Variants in DSC2 observed in about 807,000 individuals in gnomAD.
DSC2 encodes desmocollin-2.
In DSC2, 51 loss-of-function variants were observed where a neutral mutation model predicts 87.6. The ratio of observed to expected loss-of-function variants is 0.58; its 90% CI spans 0.46 to 0.74. The LOEUF (loss-of-function observed/expected upper bound fraction) is 0.74. Among genes scored for constraint, DSC2 ranks in the 30% least tolerant of loss-of-function variants. DSC2 has a pLI of 0.00. For synonymous variants in DSC2, 383 were observed against 393.2 expected (o/e 0.97, Z 0.31); for missense variants, 1,066 against 1,089.5 (o/e 0.98, Z 0.30).
chr18:31,077,003 C>T (rs1000714538), intron 11 of DSC2, among the ~76,000 whole-genome samples: 2 of 151,758 alleles, frequency 1.3e-5, no homozygotes, highest in Non-Finnish European at 2.9e-5. Context: ...AAGTATGAGG[C>T]CAATATTAAA....
In DSC2 at chr18:31,059,560, C is replaced by T. The variant is rs1010460748; in HGVS notation, c.*8455G>A. The T allele has an allele frequency of 5.9e-5, 9 of 152,066 alleles. No homozygotes were observed. The highest frequency in any genetic ancestry group is 2.2e-4 in the African/African-American group (9 of 41,426). The allele number at this position is 152,066 out of a possible 1,614,324, so 9.4% of individuals were successfully genotyped here. On this transcript the variant is annotated 3_prime_UTR_variant, in exon 16 of 16. Coordinates refer to ENST00000280904, the MANE Select transcript of DSC2 (RefSeq NM_024422.6). ...CCTGTAAGCTCCCCAAATTCTAAAGCCTGTGAGTTTTTCTTGCTCTGTATT... is the reference window on the plus strand; with the variant it reads ...CCTGTAAGCTCCCCAAATTCTAAAGTCTGTGAGTTTTTCTTGCTCTGTATT...
At position 31,086,716 on chromosome 18, in the gene DSC2, T is replaced by C. The variant is rs201015785; in HGVS notation, c.802A>G (p.Thr268Ala). The C allele has an allele frequency of 1.0e-4, 167 of 1,614,124 alleles. No individual in the cohort carries two copies. The Middle Eastern group carries it at 2.0e-3, about 19-fold the overall frequency. ...VGTTVGQVCATDKDEPDTMHT... is the reference protein window; with the variant it reads ...VGTTVGQVCAADKDEPDTMHT... Reference sequence around the variant, plus strand: ...ATCGTGTCAGGCTCATCTTTGTCAGTAGCACACACTTGTCCCACAGTAGTG... The same window carrying C: ...ATCGTGTCAGGCTCATCTTTGTCAGCAGCACACACTTGTCCCACAGTAGTG... Residue 268 changes from threonine to alanine, a missense_variant, in exon 7 of 16, where the codon ACT becomes GCT. Thr to Ala is a moderately conservative substitution (Grantham distance 58, BLOSUM62 0). Transcript: ENST00000280904.
intron 11 of DSC2, among the ~76,000 whole-genome samples, chr18:31,078,345 G>A (rs927851293): frequency 7.9e-5 from 12 of 152,016 alleles, no homozygotes; most frequent in African/African-American, 1.9e-4. Context: ...AAATGAATGC[G>A]AACAGCCTCA....
Position 31,080,317 on chromosome 18 carries a change from CA to C in DSC2, c.1298del (p.Leu433CysfsTer5). 1 of 1,613,920 alleles carries C rather than the reference CA, an allele frequency of 6.2e-7. No homozygotes were observed. Among genetic ancestry groups the C allele is most frequent in the South Asian group, 1.1e-5 (1 of 91,072 alleles). ...GAGCTTCATTAACTACACCAATTTG[CA>C]AGATCATCTGTTGCTTTTCTTCATA... Reference protein sequence around the residue: ...LNYEEKQQMILQIGVVNEAPF... With the variant: ...LNYEEKQQMIXQIGVVNEAPF... On this transcript the variant is annotated frameshift_variant, in exon 10 of 16. Coordinates refer to ENST00000280904, the MANE Select transcript of DSC2 (RefSeq NM_024422.6). LOFTEE classifies it high-confidence loss of function.
intron 1 of DSC2, among the ~76,000 whole-genome samples, chr18:31,094,679 G>A (rs1386931199): frequency 1.3e-5 from 2 of 152,058 alleles, no homozygotes; most frequent in Non-Finnish European, 2.9e-5. Flanking sequence ...GGATGGAAAT[G>A]TTTATTTTTA....
In DSC2 at chr18:31,079,945, T is replaced by C; in HGVS notation, c.1565A>G (p.Glu522Gly). The C allele has an allele frequency of 6.2e-7, 1 of 1,614,070 alleles. No homozygotes were observed. Among genetic ancestry groups the C allele is most frequent in the Non-Finnish European group, 8.5e-7 (1 of 1,179,968 alleles). The change falls in exon 11 of 16, where the codon GAA becomes GGA. Residue 522 changes from glutamate (E) to glycine (G), a missense_variant. Glu to Gly is a moderately conservative substitution (Grantham distance 98, BLOSUM62 -2). Coordinates refer to ENST00000280904, the MANE Select transcript of DSC2 (RefSeq NM_024422.6). ...GAAAACTTTGATTGATCCTGTATTT[T>C]CATCAATGGTGACCCACCCTGTTGG... Reference protein sequence around the residue: ...TDPTGWVTIDENTGSIKVFRS... With the variant: ...TDPTGWVTIDGNTGSIKVFRS...
At position 31,066,069 on chromosome 18, in the gene DSC2, C is replaced by T. The variant is rs1986608831; in HGVS notation, c.*1946G>A. On this transcript the variant is annotated 3_prime_UTR_variant, in exon 16 of 16. Transcript: ENST00000280904. ...TCAAAACTATTTTTTATTCAAGTGA[C>T]TTACAATGGCCCTAGGAAACAAGTT... 6.6e-6 allele frequency: 1 copy of T among 152,106 alleles called. No homozygotes were observed. The highest frequency in any genetic ancestry group is 1.5e-5 in the Non-Finnish European group (1 of 68,034). The allele number at this position is 152,106 out of a possible 1,614,324, so 9.4% of individuals were successfully genotyped here.
In DSC2 at chr18:31,090,726, T is replaced by C. The variant is rs114545446; in HGVS notation, c.474+302A>G. ...TTTCATCCAATTTTCTCCTTTATTATGCAAGAGAGTTTTGGGTTTTCTAGC... is the reference window on the plus strand; with the variant it reads ...TTTCATCCAATTTTCTCCTTTATTACGCAAGAGAGTTTTGGGTTTTCTAGC... On this transcript the variant is annotated intron_variant, in intron 4 of 15. Coordinates refer to ENST00000280904, the MANE Select transcript of DSC2 (RefSeq NM_024422.6). Among the ~76,000 whole-genome samples, 1,404 of 152,302 alleles carry C rather than the reference T, an allele frequency of 9.2e-3. 35 individuals carry two copies. Among genetic ancestry groups the C allele is most frequent in the African/African-American group, 0.032 (1,327 of 41,554 alleles).
At chr18:31,090,293 T>A (rs115562613) in intron 4 of DSC2, among the ~76,000 whole-genome samples, 1 of 152,230 alleles carries the variant, frequency 6.6e-6, no homozygotes, top group African/African-American at 2.4e-5. Flanking sequence ...GTTGGTGGGG[T>A]ATAAAAAGGA....
chr18:31,076,346 A>C (rs1248539727), intron 11 of DSC2, among the ~76,000 whole-genome samples: 1 of 152,222 alleles, frequency 6.6e-6, no homozygotes, highest in African/African-American at 2.4e-5. Context: ...CTAGTAGTTA[A>C]TATGGGCAAA....
intron 7 of DSC2, among the ~76,000 whole-genome samples, chr18:31,085,750 A>C (rs1416825120): frequency 6.6e-6 from 1 of 152,024 alleles, no homozygotes; most frequent in East Asian, 1.9e-4. Context: ...ATACCTGATA[A>C]ACATCTATTA....
intron 5 of DSC2, 139 bp from the exon 6 acceptor site, chr18:31,087,952 T>A: frequency 1.2e-6 from 1 of 865,074 alleles, no homozygotes; most frequent in Non-Finnish European, 1.8e-6. Context: ...TTCTGGGATA[T>A]GGATATAATT....
In DSC2 at chr18:31,062,415, T is replaced by C. The variant is rs1388483366; in HGVS notation, c.*5600A>G. On this transcript the variant is annotated 3_prime_UTR_variant, in exon 16 of 16. Coordinates refer to ENST00000280904, the MANE Select transcript of DSC2 (RefSeq NM_024422.6). ...GGCCTTTTGGTTAAAAAAAAAAAAT[T>C]CACTGCAGTGTTTGAACCTGGCAAT... 6.6e-6 allele frequency: 1 copy of C among 151,986 alleles called. No individual in the cohort carries two copies. The highest frequency in any genetic ancestry group is 1.5e-5 in the Non-Finnish European group (1 of 68,002). 9.4% of individuals were successfully genotyped at this position (151,986 alleles called of 1,614,324 possible).
chr18:31,082,940 A>T lies in DSC2; in HGVS notation c.1063T>A (p.Phe355Ile). The change falls in exon 8 of 16, where the codon TTT (phenylalanine) becomes ATT (isoleucine). Residue 355 changes from phenylalanine (F) to isoleucine (I), a missense_variant. Phe to Ile is a conservative substitution (Grantham distance 21). Coordinates refer to ENST00000280904, the MANE Select transcript of DSC2 (RefSeq NM_024422.6). ...CATACACTTACAGAAGTACGAGTAA[A>T]TGTTGGCAAGTGGTCATTTACATCA... is the stretch of plus-strand genomic sequence containing the variant. ...IDDVNDHLPT[F>I]TRTSYVTSVE... 6.2e-7 allele frequency: 1 copy of T among 1,613,528 alleles called. No homozygotes were observed.
chr18:31,065,175 C>T lies in DSC2; in HGVS notation c.*2840G>A, dbSNP rs971126605. 1.3e-5 allele frequency: 2 copies of T among 152,146 alleles called. No homozygotes were observed. The highest frequency in any genetic ancestry group is 2.9e-5 in the Non-Finnish European group (2 of 68,038). The allele number at this position is 152,146 out of a possible 1,614,324, so 9.4% of individuals were successfully genotyped here. A position where few individuals can be genotyped will look rare whatever the true frequency, so the allele number is the denominator to read the frequency against. On this transcript the variant is annotated 3_prime_UTR_variant, in exon 16 of 16. Transcript: ENST00000280904. The stretch of plus-strand genomic sequence containing the variant: ...TTGCTGAATACCACAAATGAGAGAC[C>T]TGGAAGCTACTATGAGCCATGAAAT...
chr18:31,084,584 A>T (rs79295214), intron 7 of DSC2, among the ~76,000 whole-genome samples: 1,529 of 152,112 alleles, frequency 0.01, 28 homozygotes, highest in African/African-American at 0.036. Flanking sequence ...TTTTCAACTG[A>T]TTATTTCAGA....
chr18:31,080,035 A>C, intron 10 of DSC2, 46 bp from the exon 11 acceptor site: 6 of 1,610,178 alleles, frequency 3.7e-6, no homozygotes, highest in Non-Finnish European at 5.1e-6. Flanking sequence ...TCATATGCTA[A>C]ATTATAATAA....
Position 31,089,792 on chromosome 18 carries a change from T to C in DSC2, c.475-198A>G, listed in dbSNP as rs547642866. Among the ~76,000 whole-genome samples the C allele has an allele frequency of 5.9e-5, 9 of 152,244 alleles. 1 individual carries two copies. The highest frequency in any genetic ancestry group is 1.4e-4 in the African/African-American group (6 of 41,562). ...AGAGCAAGGCATGAGTAAAATAATG[T>C]AGTGCATCTTAGTTCTCCAGAATAA... On this transcript the variant is annotated intron_variant, in intron 4 of 15. Transcript: ENST00000280904.
chr18:31,080,007 T>G lies in DSC2; in HGVS notation c.1521-18A>C. 6.2e-7 allele frequency: 1 copy of G among 1,611,948 alleles called. No homozygotes were observed. On this transcript the variant is annotated intron_variant, in intron 10 of 15. Coordinates refer to ENST00000280904, the MANE Select transcript of DSC2 (RefSeq NM_024422.6). ...TCTTATACCTGTTGGTAATGATGAA[T>G]TAAAATAATAAAATTTATCATATGC...
Sources: gnomAD v4.1 joint callset for allele counts (sites outside exome capture counted in the v4.1 genomes callset) on GRCh38, gnomAD v4.1.1 for gene constraint, MANE v1.5 for transcripts, NCBI Gene and HGNC (gene_info 2026-07-23, HGNC 2026-07-21) for gene names.